POM121: variants seen among roughly 807,000 people sequenced by gnomAD.
POM121 encodes the protein nuclear envelope pore membrane protein POM 121.
A neutral mutation model predicts 81.3 loss-of-function variants in POM121; 32 were observed. The observed-to-expected ratio is 0.39, with a 90% CI of 0.30 to 0.53. The LOEUF (loss-of-function observed/expected upper bound fraction) is 0.53. POM121 is among the 20% of genes least tolerant of loss of function. POM121 has a pLI of 0.66. For synonymous variants in POM121, 514 were observed against 694.2 expected (o/e 0.74, Z 4.08); for missense variants, 1,138 against 1,614.6 (o/e 0.70, Z 5.06).
At chr7:72,945,774 T>A in intron 12 of POM121, 66 bp downstream of exon 12, 1 of 1,550,366 alleles carries the variant, frequency 6.5e-7, no homozygotes. Context: ...GGGTGGCAGG[T>A]TCCTGGTCCT....
chr7:72,923,827 C>T (rs1280766082), upstream of POM121, among the ~76,000 whole-genome samples: 5 of 151,838 alleles, frequency 3.3e-5, no homozygotes, highest in African/African-American at 4.8e-5. Flanking sequence ...TCTCAAACTC[C>T]TGACCTCAGA....
chr7:72,919,227 T>A (rs1304440232), intron 4 of POM121, among the ~76,000 whole-genome samples: 112 of 149,024 alleles, frequency 7.5e-4, no homozygotes, highest in Non-Finnish European at 1.2e-3. Flanking sequence ...TTTTTTTTTT[T>A]AATATGTTTC....
In POM121 at chr7:72,925,165, G is replaced by T. The variant is rs1166073795; in HGVS notation, c.44G>T (p.Arg15Leu). 1 of 1,487,906 alleles carries T rather than the reference G, an allele frequency of 6.7e-7. No individual in the cohort carries two copies. The highest frequency in any genetic ancestry group is 8.9e-7 in the Non-Finnish European group (1 of 1,128,330). 92.2% of individuals were successfully genotyped at this position (1,487,906 alleles called of 1,614,324 possible). A position where few individuals can be genotyped will look rare whatever the true frequency, so the allele number is the denominator to read the frequency against. ...AAAAGAGERR[R>L]PIASVRDGRG... ...GCGGCTGGAGCAGGCGAGCGGCGGC[G>T]GCCCATAGCGAGTGTCAGGGACGGC... is the stretch of plus-strand genomic sequence containing the variant. The change falls in exon 1 of 13, where the codon CGG (arginine) becomes CTG (leucine). Residue 15 changes from arginine to leucine, a missense_variant. Transcript: ENST00000434423.
Position 72,946,168 on chromosome 7 carries a change from G to C in POM121, c.3684G>C (p.Ala1228=). 6.2e-7 allele frequency: 1 copy of C among 1,611,700 alleles called. No individual in the cohort carries two copies. The highest frequency in any genetic ancestry group is 8.5e-7 in the Non-Finnish European group (1 of 1,179,740). Residue 1228 remains alanine, a synonymous_variant, in exon 13 of 13, where the codon GCG becomes GCC. Transcript: ENST00000434423. ...CGGCCCTTTCATTTTCCATTGGTGCGGGATCCAAGACCCCAGGGGCTCGAC... is the reference window on the plus strand; with the variant it reads ...CGGCCCTTTCATTTTCCATTGGTGCCGGATCCAAGACCCCAGGGGCTCGAC... ...GSAALSFSIG[A]GSKTPGARQR... is the part of the protein sequence containing the mutation.
intron 4 of POM121, among the ~76,000 whole-genome samples, chr7:72,914,305 G>A (rs879953576): frequency 6.6e-6 from 1 of 152,168 alleles, no homozygotes; most frequent in South Asian, 2.1e-4. Flanking sequence ...TCACACTTAA[G>A]ACTCCATGTC....
At chr7:72,934,497 A>G (rs1412023445) in intron 5 of POM121, among the ~76,000 whole-genome samples, 2 of 152,082 alleles carry the variant, frequency 1.3e-5, no homozygotes, top group African/African-American at 2.4e-5. Flanking sequence ...TTGCCATTCT[A>G]CTTCCTTGTG....
At chr7:72,949,074 G>A (rs756884858), downstream of POM121, 98 of 1,613,122 alleles carry the variant, frequency 6.1e-5, no homozygotes, top group Non-Finnish European at 6.8e-5. Flanking sequence ...TCCCTGCCCC[G>A]GGCTCCTCCA....
chr7:72,927,582 C>T (rs1265003821), intron 3 of POM121, among the ~76,000 whole-genome samples: 6 of 151,756 alleles, frequency 4.0e-5, no homozygotes, highest in Admixed American at 1.3e-4. Context: ...TGGTGGTGGG[C>T]GCCTGTGATC....
In POM121 at chr7:72,943,112, T is replaced by A; in HGVS notation, c.3119T>A (p.Leu1040Ter). The change falls in exon 11 of 13, where the codon TTG becomes TAG. Residue 1040 changes from leucine (L) to a stop codon, truncating the protein, a stop_gained. Transcript: ENST00000434423. LOFTEE classifies it high-confidence loss of function. ...GGTGCCACGCACTCGGCGTTTGGGT[T>A]GAAAGCCACGGCTTCGGCCTTCGGC... is the stretch of plus-strand genomic sequence containing the variant. ...FGGATHSAFG[L>*]KATASAFGAP... is the part of the protein sequence containing the mutation. 1 of 1,613,324 alleles carries A rather than the reference T, an allele frequency of 6.2e-7. No homozygotes were observed. Among genetic ancestry groups the A allele is most frequent in the Non-Finnish European group, 8.5e-7 (1 of 1,179,738 alleles).
rs782097147 is a variant in POM121 at position 72,930,030 on chromosome 7, A to G, written c.1194A>G (p.Thr398=). The G allele has an allele frequency of 5.6e-6, 9 of 1,614,002 alleles. No individual in the cohort carries two copies. The highest frequency in any genetic ancestry group is 7.6e-6 in the Non-Finnish European group (9 of 1,179,868). The change falls in exon 5 of 13, where the codon ACA becomes ACG. Residue 398 remains threonine, a synonymous_variant. Transcript: ENST00000434423. ...RSRSSSMSSL[T]GAYASGIPSS... is the part of the protein sequence containing the mutation. The stretch of plus-strand genomic sequence containing the variant: ...GAAGCTCTTCCATGAGCTCCTTGAC[A>G]GGCGCTTACGCAAGTGGCATCCCTA...
chr7:72,889,203 TTTTATCAG>T, intron 1 of POM121, among the ~76,000 whole-genome samples: 1 of 152,346 alleles, frequency 6.6e-6, no homozygotes, highest in Non-Finnish European at 1.5e-5. Flanking sequence ...CTCTTGGTGA[TTTTATCAG>T]CTCCTTTGGC....
chr7:72,925,612 GCCGCCCACCTGC>G lies in POM121; in HGVS notation c.498_509del (p.Pro167_Pro170del), dbSNP rs1275921246. 1.5e-6 allele frequency: 2 copies of G among 1,366,816 alleles called. No individual in the cohort carries two copies. The highest frequency in any genetic ancestry group is 3.1e-5 in the African/African-American group (2 of 65,038). The allele number at this position is 1,366,816 out of a possible 1,614,324, so 84.7% of individuals were successfully genotyped here. ...CAGGACCTGCGGGATAGGCCTGGCC[GCCGCCCACCTGC>G]CCGCCCGGCGCCGCGCTCCCCACCG... On this transcript the variant is annotated inframe_deletion, in exon 1 of 13. Transcript: ENST00000434423.
At chr7:72,910,107 G>T (rs1410177399) in intron 3 of POM121, among the ~76,000 whole-genome samples, 1 of 152,228 alleles carries the variant, frequency 6.6e-6, no homozygotes, top group African/African-American at 2.4e-5. Context: ...AAAAAAAAGT[G>T]CAGCTTGCTG....
intron 3 of POM121, among the ~76,000 whole-genome samples, chr7:72,910,463 A>C (rs1554494086): frequency 6.6e-6 from 1 of 152,148 alleles, no homozygotes; most frequent in African/African-American, 2.4e-5. Flanking sequence ...CCTTGCTTCT[A>C]GCTCCTCACT....
In POM121 at chr7:72,943,181, T is replaced by A; in HGVS notation, c.3188T>A (p.Val1063Asp). The A allele has an allele frequency of 6.2e-7, 1 of 1,613,334 alleles. No individual in the cohort carries two copies. The highest frequency in any genetic ancestry group is 1.7e-5 in the Admixed American group (1 of 60,010). ...SQPAFGGSTA[V>D]FFGAATSSGF... ...CCCGCCTTTGGCGGCTCCACTGCTG[T>A]CTTCTTCGGTGCAGCCACCAGCTCC... The change falls in exon 11 of 13, where the codon GTC (valine) becomes GAC (aspartate). Residue 1063 changes from valine to aspartate, a missense_variant. Coordinates refer to ENST00000434423, the MANE Select transcript of POM121 (RefSeq NM_001387691.1).
downstream of POM121, chr7:72,948,911 G>C (rs781787942): frequency 1.9e-6 from 3 of 1,612,434 alleles, no homozygotes; most frequent in Non-Finnish European, 2.5e-6. Flanking sequence ...CCCGGGTTCT[G>C]CTGCAGCGCA....
At chr7:72,944,990 G>A (rs558552746) in intron 11 of POM121, among the ~76,000 whole-genome samples, 4,369 of 142,434 alleles carry the variant, frequency 0.031, 189 homozygotes, top group African/African-American at 0.1. Flanking sequence ...CTTGAGTTAC[G>A]GTATTTAGGG....
At chr7:72,881,607 A>G (rs1406600886) in intron 1 of POM121, among the ~76,000 whole-genome samples, 1 of 151,876 alleles carries the variant, frequency 6.6e-6, no homozygotes, top group Non-Finnish European at 1.5e-5. Context: ...GATGCATTTT[A>G]AGAGGTTTGT....
intron 3 of POM121, among the ~76,000 whole-genome samples, chr7:72,893,118 C>T (rs1420995661): frequency 2.6e-5 from 4 of 151,434 alleles, no homozygotes; most frequent in South Asian, 2.1e-4. Context: ...CCATCACGCC[C>T]GGCCTATTTT....
Sources: allele counts gnomAD v4.1 joint callset (sites outside exome capture counted in the v4.1 genomes callset), GRCh38; gene constraint gnomAD v4.1.1; transcripts MANE v1.5; gene names NCBI Gene and HGNC (gene_info 2026-07-23, HGNC 2026-07-21).